The following SUPT3H variants were observed in gnomAD, a reference collection of about 807,000 sequenced individuals.
SUPT3H encodes transcription initiation protein SPT3 homolog.
In SUPT3H, 44 loss-of-function variants were observed where a neutral mutation model predicts 44.3. That is an observed-to-expected ratio of 0.99 (90% CI 0.78 to 1.28). The LOEUF is 1.28. Among genes scored for constraint, SUPT3H ranks in the 50% most tolerant of loss-of-function variants. The pLI, the probability that SUPT3H is intolerant of heterozygous loss-of-function variation, is 0.00. For missense variants in SUPT3H, 380 were observed against 387.1 expected, an observed-to-expected ratio of 0.98 and a Z score of 0.15; for synonymous variants, 124 against 125.6, an observed-to-expected ratio of 0.99 and a Z score of 0.09.
At chr6:44,995,552 G>A (rs1442266602) in intron 6 of SUPT3H, among the ~76,000 whole-genome samples, 3 of 152,010 alleles carry the variant, frequency 2.0e-5, no homozygotes, top group Non-Finnish European at 4.4e-5. Flanking sequence ...CTGGCAACAA[G>A]CGCCTTCTCT....
chr6:44,908,154 C>CTT lies in SUPT3H; in HGVS notation c.912+24497_912+24498dup, dbSNP rs70993481. 1.2e-3 allele frequency among the ~76,000 whole-genome samples: 163 copies of CTT among 136,940 alleles called. 2 individuals are homozygous for CTT. The highest frequency in any genetic ancestry group is 4.5e-3 in the East Asian group (21 of 4,628). 89.8% of individuals were successfully genotyped at this position (136,940 alleles called of 152,430 possible). On this transcript the variant is annotated intron_variant, in intron 10 of 10. Coordinates refer to ENST00000371459, the MANE Select transcript of SUPT3H (RefSeq NM_003599.4). ...TTTAGAAATAACTTTTTTTTCTTTT[C>CTT]TTTTTTTTTTTTTTTGAGATGGAGT...
intron 2 of SUPT3H, among the ~76,000 whole-genome samples, chr6:45,336,204 T>C (rs1788519893): frequency 6.6e-6 from 1 of 151,450 alleles, no homozygotes; most frequent in Non-Finnish European, 1.5e-5. Context: ...AAAAACTTTT[T>C]ACCACTAGTA....
chr6:45,080,306 T>C (rs1795614629), intron 3 of SUPT3H, among the ~76,000 whole-genome samples: 1 of 152,114 alleles, frequency 6.6e-6, no homozygotes, highest in African/African-American at 2.4e-5. Context: ...TTGGTGAGAA[T>C]GTGGAGGAAA....
intron 2 of SUPT3H, among the ~76,000 whole-genome samples, chr6:45,228,252 T>A (rs1584374449): frequency 6.6e-6 from 1 of 152,234 alleles, no homozygotes; most frequent in East Asian, 1.9e-4. Context: ...TCTATGAGAA[T>A]GTTTTGGGAT....
chr6:45,241,293 T>C (rs1393052907), intron 2 of SUPT3H, among the ~76,000 whole-genome samples: 2 of 152,108 alleles, frequency 1.3e-5, no homozygotes, highest in African/African-American at 4.8e-5. Flanking sequence ...ATGATGGCCA[T>C]GATGCCCATG....
chr6:45,235,544 A>T (rs1768933166), intron 2 of SUPT3H, among the ~76,000 whole-genome samples: 1 of 152,182 alleles, frequency 6.6e-6, no homozygotes, highest in African/African-American at 2.4e-5. Flanking sequence ...AATTGTACCC[A>T]GTACCTAAGA....
chr6:44,841,639 C>T lies in SUPT3H; in HGVS notation c.913-11782G>A, dbSNP rs188579849. Among the ~76,000 whole-genome samples the T allele has an allele frequency of 2.0e-3, 312 of 152,274 alleles. 2 individuals are homozygous for T. Among genetic ancestry groups the T allele is most frequent in the South Asian group, 0.017 (80 of 4,814 alleles). On this transcript the variant is annotated intron_variant, in intron 10 of 10. Transcript: ENST00000371459. ...GTATTTAAGTAAATTTTATTAATCACGATGGTATCTACATACCACTGAAAA... is the reference window on the plus strand; with the variant it reads ...GTATTTAAGTAAATTTTATTAATCATGATGGTATCTACATACCACTGAAAA...
intron 3 of SUPT3H, among the ~76,000 whole-genome samples, chr6:45,086,448 C>T (rs1278868107): frequency 6.6e-6 from 1 of 152,000 alleles, no homozygotes; most frequent in Non-Finnish European, 1.5e-5. Context: ...CAATCATGCT[C>T]CATTCCTGGT....
chr6:45,272,771 T>G (rs1776410208), intron 2 of SUPT3H, among the ~76,000 whole-genome samples: 1 of 131,288 alleles, frequency 7.6e-6, no homozygotes, highest in African/African-American at 3.0e-5. Flanking sequence ...AAGCTTTGGC[T>G]GACTTTCTCA....
chr6:45,293,772 C>T (rs1780681235), intron 2 of SUPT3H, among the ~76,000 whole-genome samples: 2 of 152,176 alleles, frequency 1.3e-5, no homozygotes, highest in Middle Eastern at 3.4e-3. Flanking sequence ...ATACAACCTT[C>T]CTAGCTTAAA....
intron 3 of SUPT3H, among the ~76,000 whole-genome samples, chr6:45,076,446 A>G (rs1241543367): frequency 6.6e-6 from 1 of 151,874 alleles, no homozygotes; most frequent in Non-Finnish European, 1.5e-5. Flanking sequence ...TGATTACCAG[A>G]TGGAGATGTT....
At chr6:45,058,169 A>G (rs1791434178) in intron 3 of SUPT3H, among the ~76,000 whole-genome samples, 1 of 152,126 alleles carries the variant, frequency 6.6e-6, no homozygotes, top group Admixed American at 6.6e-5. Flanking sequence ...AAAGAGTAAG[A>G]CAAGAGATGA....
At chr6:45,139,138 T>A (rs1445244082) in intron 2 of SUPT3H, among the ~76,000 whole-genome samples, 1 of 152,186 alleles carries the variant, frequency 6.6e-6, no homozygotes, top group East Asian at 1.9e-4. Context: ...GGTCACTATT[T>A]TTATATTATT....
At chr6:44,886,175 C>T (rs1467483694) in intron 10 of SUPT3H, among the ~76,000 whole-genome samples, 2 of 152,094 alleles carry the variant, frequency 1.3e-5, no homozygotes, top group Admixed American at 1.3e-4. Flanking sequence ...AGAATGGAAC[C>T]AAGTTGGAAA....
At chr6:45,304,109 G>A (rs765859755) in intron 2 of SUPT3H, among the ~76,000 whole-genome samples, 2 of 152,038 alleles carry the variant, frequency 1.3e-5, no homozygotes, top group African/African-American at 4.8e-5. Context: ...CTACAGATCA[G>A]GATCAGTAAG....
intron 2 of SUPT3H, among the ~76,000 whole-genome samples, chr6:45,311,168 T>C (rs933193464): frequency 6.6e-6 from 1 of 152,032 alleles, no homozygotes; most frequent in African/African-American, 2.4e-5. Flanking sequence ...ACAGAACAAG[T>C]AGAAGAAATT....
At chr6:44,842,502 G>A (rs1446613279) in intron 10 of SUPT3H, among the ~76,000 whole-genome samples, 5 of 152,096 alleles carry the variant, frequency 3.3e-5, no homozygotes, top group Non-Finnish European at 7.4e-5. Context: ...AGGCTAGTCA[G>A]TGCTGTCCAA....
intron 10 of SUPT3H, chr6:44,899,213 T>A (rs144418267): frequency 4.7e-4 from 71 of 152,350 alleles, no homozygotes; most frequent in African/African-American, 1.7e-3. Flanking sequence ...GATGTACAAT[T>A]GCCATCTTTA....
intron 1 of SUPT3H, among the ~76,000 whole-genome samples, chr6:45,373,287 T>C (rs1305575406): frequency 6.6e-6 from 1 of 151,976 alleles, no homozygotes; most frequent in Admixed American, 6.6e-5. Flanking sequence ...CACTACCCAT[T>C]AACTATGGGC....
Sources: allele counts gnomAD v4.1 joint callset (sites outside exome capture counted in the v4.1 genomes callset), GRCh38; gene constraint gnomAD v4.1.1; transcripts MANE v1.5; gene names NCBI Gene and HGNC (gene_info 2026-07-23, HGNC 2026-07-21).